Variants in SH3RF1 observed in about 807,000 individuals in gnomAD.
SH3RF1 encodes the protein SH3 domain containing ring finger 1.
In SH3RF1, 32 loss-of-function variants were observed where a neutral mutation model predicts 74.0. That is an observed-to-expected ratio of 0.43 (90% CI 0.33 to 0.58). The LOEUF (loss-of-function observed/expected upper bound fraction) is 0.58. SH3RF1 is among the 20% of genes least tolerant of loss of function. SH3RF1 has a pLI of 0.05. For missense variants in SH3RF1, 954 were observed against 1,130.9 expected (o/e 0.84, Z 2.24); for synonymous variants, 396 against 439.6 (o/e 0.90, Z 1.24).
At chr4:169,247,644 T>C (rs1298191954) in intron 2 of SH3RF1, among the ~76,000 whole-genome samples, 2 of 152,164 alleles carry the variant, frequency 1.3e-5, no homozygotes, top group Non-Finnish European at 2.9e-5. Flanking sequence ...ATTACTGTTC[T>C]GAAGACAATA....
intron 10 of SH3RF1, among the ~76,000 whole-genome samples, chr4:169,115,952 C>T (rs1388349046): frequency 6.6e-6 from 1 of 152,168 alleles, no homozygotes. Context: ...GAAATTCCTC[C>T]ACGAGACTGT....
chr4:169,202,803 C>A (rs1158309583), intron 2 of SH3RF1, among the ~76,000 whole-genome samples: 1 of 152,090 alleles, frequency 6.6e-6, no homozygotes, highest in African/African-American at 2.4e-5. Context: ...AAACTTTGTA[C>A]CTAAAGTAAA....
chr4:169,247,280 C>T (rs1191101184), intron 2 of SH3RF1, among the ~76,000 whole-genome samples: 1 of 152,194 alleles, frequency 6.6e-6, no homozygotes. Flanking sequence ...CAGTGGTAAA[C>T]AGGAGAGGCA....
At chr4:169,152,891 C>T (rs571385763) in intron 4 of SH3RF1, among the ~76,000 whole-genome samples, 49 of 152,112 alleles carry the variant, frequency 3.2e-4, no homozygotes, top group Admixed American at 1.7e-3. Context: ...CAAACTATTC[C>T]GGTAGCATTT....
At chr4:169,187,040 A>G (rs1734617805) in intron 2 of SH3RF1, among the ~76,000 whole-genome samples, 1 of 151,990 alleles carries the variant, frequency 6.6e-6, no homozygotes, top group Non-Finnish European at 1.5e-5. Flanking sequence ...AAAGAAAAAA[A>G]GAAAAGATTC....
intron 4 of SH3RF1, among the ~76,000 whole-genome samples, chr4:169,154,130 C>G (rs1734015529): frequency 6.6e-6 from 1 of 152,054 alleles, no homozygotes; most frequent in South Asian, 2.1e-4. Flanking sequence ...TTCCCATTAC[C>G]CACAGTTAGA....
chr4:169,219,607 T>C (rs1730529273), intron 2 of SH3RF1, among the ~76,000 whole-genome samples: 1 of 152,220 alleles, frequency 6.6e-6, no homozygotes. Flanking sequence ...GCAGCTTGTG[T>C]TTGTTCTTCC....
intron 2 of SH3RF1, among the ~76,000 whole-genome samples, chr4:169,173,026 C>T (rs1362729066): frequency 6.6e-6 from 1 of 152,066 alleles, no homozygotes; most frequent in African/African-American, 2.4e-5. Flanking sequence ...AATACACTTG[C>T]TATAAATAGA....
At chr4:169,198,009 CT>C (rs1734846354) in intron 2 of SH3RF1, among the ~76,000 whole-genome samples, 1 of 152,128 alleles carries the variant, frequency 6.6e-6, no homozygotes, top group South Asian at 2.1e-4. Flanking sequence ...GAATGTTCTC[CT>C]TTAAATGTAG....
chr4:169,236,848 C>A (rs1363036921), intron 2 of SH3RF1, among the ~76,000 whole-genome samples: 1 of 152,132 alleles, frequency 6.6e-6, no homozygotes, highest in Non-Finnish European at 1.5e-5. Context: ...AAATAATTCA[C>A]TGACAGACAC....
intron 2 of SH3RF1, among the ~76,000 whole-genome samples, chr4:169,225,611 T>C (rs1473801033): frequency 6.6e-6 from 1 of 152,138 alleles, no homozygotes; most frequent in Admixed American, 6.5e-5. Flanking sequence ...TGCAGTTTCA[T>C]CAAGACAGAA....
intron 2 of SH3RF1, 43 bp from the exon 3 acceptor site, chr4:169,156,722 C>A: frequency 6.7e-7 from 1 of 1,503,554 alleles, no homozygotes; most frequent in South Asian, 1.3e-5. Flanking sequence ...AAATAATGGT[C>A]TTAAAATGTC....
intron 4 of SH3RF1, among the ~76,000 whole-genome samples, chr4:169,147,842 C>T (rs1052044214): frequency 2.0e-5 from 3 of 151,860 alleles, no homozygotes; most frequent in South Asian, 2.1e-4. Flanking sequence ...CTTTTTTACA[C>T]GATATAAGAC....
intron 2 of SH3RF1, among the ~76,000 whole-genome samples, chr4:169,239,358 G>T (rs1730869052): frequency 6.6e-6 from 1 of 152,066 alleles, no homozygotes; most frequent in South Asian, 2.1e-4. Context: ...TATTCAGAAA[G>T]CCAAGCATAC....
chr4:169,126,423 C>T (rs1237612823), intron 6 of SH3RF1, among the ~76,000 whole-genome samples: 2 of 152,162 alleles, frequency 1.3e-5, no homozygotes, highest in African/African-American at 4.8e-5. Flanking sequence ...TTCAAACTAG[C>T]AAGGTTGGCA....
intron 4 of SH3RF1, among the ~76,000 whole-genome samples, chr4:169,145,980 A>C (rs1214766559): frequency 7.3e-6 from 1 of 137,116 alleles, no homozygotes; most frequent in East Asian, 2.0e-4. Context: ...TCTATATATT[A>C]TTCTATATAA....
intron 2 of SH3RF1, among the ~76,000 whole-genome samples, chr4:169,234,340 A>G (rs1730793823): frequency 6.6e-6 from 1 of 152,264 alleles, no homozygotes; most frequent in East Asian, 1.9e-4. Flanking sequence ...AGAATTATTC[A>G]GTCTAAAATG....
At chr4:169,156,709 A>G (rs907646854) in intron 2 of SH3RF1, 30 bp from the exon 3 acceptor site, 1 of 1,541,658 alleles carries the variant, frequency 6.5e-7, no homozygotes, top group Non-Finnish European at 8.7e-7. Context: ...ATGAATTTTA[A>G]TAAAATAATG....
chr4:169,241,056 C>A (rs979312424), intron 2 of SH3RF1, among the ~76,000 whole-genome samples: 7 of 152,106 alleles, frequency 4.6e-5, no homozygotes, highest in Non-Finnish European at 1.0e-4. Flanking sequence ...CAGTGAAACC[C>A]CTTCTCTACT....
Sources: allele counts gnomAD v4.1 joint callset (sites outside exome capture counted in the v4.1 genomes callset), GRCh38; gene constraint gnomAD v4.1.1; transcripts MANE v1.5; gene names NCBI Gene and HGNC (gene_info 2026-07-23, HGNC 2026-07-21).